Variants in EHMT1 observed in about 807,000 individuals in gnomAD.
EHMT1 encodes euchromatic histone lysine methyltransferase 1.
Under a neutral mutation model 147.2 loss-of-function variants are expected in EHMT1, and 15 were observed. The observed-to-expected ratio is 0.10, with a 90% CI of 0.07 to 0.16. The LOEUF (loss-of-function observed/expected upper bound fraction) is 0.16, where lower values mean the gene tolerates loss of function less well. EHMT1 is among the 10% of genes least tolerant of loss of function. The pLI, the probability that EHMT1 is intolerant of heterozygous loss-of-function variation, is 1.00. For synonymous variants in EHMT1, 795 were observed against 709.6 expected, an observed-to-expected ratio of 1.12 and a Z score of -1.91; for missense variants, 1,587 against 1,772.4, an observed-to-expected ratio of 0.90 and a Z score of 1.88.
At chr9:137,726,699 G>T (rs144233923) in intron 3 of EHMT1, among the ~76,000 whole-genome samples, 1 of 152,298 alleles carries the variant, frequency 6.6e-6, no homozygotes, top group East Asian at 1.9e-4. Flanking sequence ...TTTCCACAGC[G>T]GATGCACCGT....
intron 8 of EHMT1, among the ~76,000 whole-genome samples, chr9:137,757,600 A>T (rs183754088): frequency 2.0e-4 from 31 of 152,334 alleles, no homozygotes; most frequent in African/African-American, 7.0e-4. Flanking sequence ...ACAGAGAAAG[A>T]TGTGCTGACA....
chr9:137,721,836 C>T (rs981845786), intron 3 of EHMT1, among the ~76,000 whole-genome samples: 2 of 152,174 alleles, frequency 1.3e-5, no homozygotes, highest in Non-Finnish European at 2.9e-5. Context: ...TCTGAAGCTT[C>T]TCTTCTTTCT....
Position 137,717,082 on chromosome 9 carries a change from A to T in EHMT1, c.542A>T (p.Glu181Val). 1 of 1,610,876 alleles carries T rather than the reference A, an allele frequency of 6.2e-7. No homozygotes were observed. The highest frequency in any genetic ancestry group is 8.5e-7 in the Non-Finnish European group (1 of 1,178,674). The change falls in exon 3 of 27, where the codon GAG (glutamate) becomes GTG (valine). Residue 181 changes from glutamate to valine, a missense_variant. By Grantham distance (121) the Glu-to-Val change is moderately radical. Transcript: ENST00000460843. ...GCCGCCCCACCAGCCACCCTTGGGG[A>T]GGGGAGTGCTGACACAGAGGACAGG... ...TPAAPPATLG[E>V]GSADTEDRKL...
At chr9:137,709,330 A>G (rs116669804) in intron 1 of EHMT1, among the ~76,000 whole-genome samples, 2,235 of 152,264 alleles carry the variant, frequency 0.015, 45 homozygotes, top group African/African-American at 0.051. Flanking sequence ...AGGGCTGGCC[A>G]TGAGCAGCTG....
At chr9:137,717,204 C>A in intron 3 of EHMT1, 22 bp downstream of exon 3, 2 of 1,609,784 alleles carry the variant, frequency 1.2e-6, no homozygotes, top group East Asian at 4.5e-5. Context: ...TCTTCTCTTG[C>A]TGTTTCCTTT....
intron 4 of EHMT1, among the ~76,000 whole-genome samples, chr9:137,731,000 TTAAAAG>T (rs761500082): frequency 1.2e-4 from 19 of 152,266 alleles, no homozygotes; most frequent in Non-Finnish European, 2.1e-4. Flanking sequence ...ATGTGAGGAC[TTAAAAG>T]TAATGTCTGA....
At chr9:137,638,955 T>C (rs1459912306) in intron 1 of EHMT1, among the ~76,000 whole-genome samples, 1 of 152,224 alleles carries the variant, frequency 6.6e-6, no homozygotes, top group Non-Finnish European at 1.5e-5. Flanking sequence ...CATTGTGGAC[T>C]TCCAGCCTTC....
chr9:137,622,760 T>G lies in EHMT1; in HGVS notation c.21+3711T>G, dbSNP rs567384982. On this transcript the variant is annotated intron_variant, in intron 1 of 26. Transcript: ENST00000460843. ...CTCTACTAGAAGTAAAAAAGTTAGC[T>G]GGGTGTGGTGGTGGTATGTGCCTGT... Among the ~76,000 whole-genome samples the G allele has an allele frequency of 1.3e-4, 20 of 151,940 alleles. No homozygotes were observed. The East Asian group carries it at 3.5e-3, about 27-fold the overall frequency.
In EHMT1 at chr9:137,798,834, T is replaced by C; in HGVS notation, c.2527T>C (p.Leu843=). 2 of 1,614,168 alleles carry C rather than the reference T, an allele frequency of 1.2e-6. No homozygotes were observed. Among genetic ancestry groups the C allele is most frequent in the South Asian group, 1.1e-5 (1 of 91,076 alleles). The change falls in exon 17 of 27, where the codon TTG becomes CTG. Residue 843 remains leucine (L), a synonymous_variant. Coordinates refer to ENST00000460843, the MANE Select transcript of EHMT1 (RefSeq NM_024757.5). ...GCAGGACGCAGAGGGCTCTACGTGT[T>C]TGCACCTGGCTGCCAAGAAAGGCCA... is the stretch of plus-strand genomic sequence containing the variant. ...DPKDAEGSTC[L]HLAAKKGHYE... is the part of the protein sequence containing the mutation.
At chr9:137,719,735 C>A (rs1336087691) in intron 3 of EHMT1, among the ~76,000 whole-genome samples, 1 of 152,188 alleles carries the variant, frequency 6.6e-6, no homozygotes, top group Non-Finnish European at 1.5e-5. Flanking sequence ...TCACCATCAC[C>A]TGTGTGCACG....
chr9:137,716,794 C>G lies in EHMT1; in HGVS notation c.254C>G (p.Thr85Ser). ...DSARVNPQDG[T>S]NTLTRIAENG... ...GCAAGGGTCAACCCCCAGGATGGCA[C>G]CAACACACTAACTCGGATAGCGGAA... The change falls in exon 3 of 27, where the codon ACC becomes AGC. Residue 85 changes from threonine to serine, a missense_variant. Thr to Ser is a moderately conservative substitution (Grantham distance 58). Around this residue, in one of 7 missense-constraint regions of EHMT1, gnomAD observed 810 missense variants for 673.0 expected, o/e 1.20. Transcript: ENST00000460843. The G allele has an allele frequency of 1.9e-6, 3 of 1,613,272 alleles. No homozygotes were observed. The highest frequency in any genetic ancestry group is 1.7e-4 in the Middle Eastern group (1 of 6,058).
Position 137,702,630 on chromosome 9 carries a change from C to A in EHMT1, c.22-8337C>A, listed in dbSNP as rs184989375. 1.6e-4 allele frequency among the ~76,000 whole-genome samples: 25 copies of A among 152,158 alleles called. No homozygotes were observed. The East Asian group carries it at 4.8e-3, about 29-fold the overall frequency. ...GTTGAGTGCCTGCTGCTTTTCTAGG[C>A]GTGTGGTACAAGCCGTAGATGGATC... On this transcript the variant is annotated intron_variant, in intron 1 of 26. Transcript: ENST00000460843.
intron 16 of EHMT1, among the ~76,000 whole-genome samples, chr9:137,794,574 G>A (rs1952760197): frequency 6.6e-6 from 1 of 151,420 alleles, no homozygotes; most frequent in Non-Finnish European, 1.5e-5. Context: ...CTGAGCACAG[G>A]AGTTTGAGGC....
intron 1 of EHMT1, among the ~76,000 whole-genome samples, chr9:137,680,275 A>G (rs1225163886): frequency 8.6e-5 from 13 of 152,008 alleles, no homozygotes; most frequent in African/African-American, 2.9e-4. Context: ...GGAGTTCAAG[A>G]CCAGCCTGGC....
Position 137,710,930 on chromosome 9 carries a change from C to G in EHMT1, c.22-37C>G, listed in dbSNP as rs113133543. 6,167 of 1,573,236 alleles carry G rather than the reference C, an allele frequency of 3.9e-3. 233 individuals are homozygous for G. The African/African-American group carries it at 0.074, about 19-fold the overall frequency. On this transcript the variant is annotated intron_variant, in intron 1 of 26. Transcript: ENST00000460843. ...GTCCATTTGGAAAAGCGGCCTCCCA[C>G]TGAACCCGGCTGACGGCTGTTGTTT...
intron 25 of EHMT1, among the ~76,000 whole-genome samples, chr9:137,829,075 C>G (rs1052323465): frequency 1.3e-5 from 2 of 152,238 alleles, no homozygotes; most frequent in Non-Finnish European, 2.9e-5. Context: ...GGCCCCCGCC[C>G]TGGTCTCACA....
intron 4 of EHMT1, chr9:137,743,052 T>G: frequency 8.4e-6 from 3 of 357,242 alleles, no homozygotes; most frequent in Admixed American, 4.2e-5. Flanking sequence ...GGAGGAGGAG[T>G]CGCTTCAGAG....
intron 1 of EHMT1, among the ~76,000 whole-genome samples, chr9:137,635,798 C>G (rs564647326): frequency 8.0e-5 from 12 of 150,914 alleles, no homozygotes; most frequent in Admixed American, 4.0e-4. Context: ...CCAGCCTGGG[C>G]GACAGAGCGA....
At chr9:137,689,305 C>T (rs888376528) in intron 1 of EHMT1, among the ~76,000 whole-genome samples, 6 of 152,192 alleles carry the variant, frequency 3.9e-5, no homozygotes, top group South Asian at 4.2e-4. Flanking sequence ...TATTTTTGTG[C>T]GTGTTCATAG....
Sources: allele counts gnomAD v4.1 joint callset (sites outside exome capture counted in the v4.1 genomes callset), GRCh38; gene constraint gnomAD v4.1.1; regional missense constraint gnomAD v4.1.1; transcripts MANE v1.5; gene names NCBI Gene and HGNC (gene_info 2026-07-23, HGNC 2026-07-21).